Variants in FUT9 observed in about 807,000 individuals in gnomAD.
The protein encoded by FUT9 is fucosyltransferase 9.
In FUT9, 15 loss-of-function variants were observed where a neutral mutation model predicts 29.7. That is an observed-to-expected ratio of 0.51 (90% CI 0.34 to 0.78). The LOEUF is 0.78. Among genes scored for constraint, FUT9 ranks in the 30% least tolerant of loss-of-function variants. FUT9 has a pLI of 0.01. For missense variants in FUT9, 319 were observed against 425.4 expected (o/e 0.75, Z 2.20); for synonymous variants, 169 against 153.7 (o/e 1.10, Z -0.74).
intron 1 of FUT9, among the ~76,000 whole-genome samples, chr6:96,054,834 A>C (rs1770733722): frequency 6.6e-6 from 1 of 152,208 alleles, no homozygotes; most frequent in South Asian, 2.1e-4. Context: ...TGAGCATTAA[A>C]TGTAATAATA....
intron 2 of FUT9, among the ~76,000 whole-genome samples, chr6:96,171,562 T>TA (rs1475994463): frequency 6.6e-6 from 1 of 152,176 alleles, no homozygotes; most frequent in Non-Finnish European, 1.5e-5. Context: ...CTCCTCCACT[T>TA]ATGGCTCACA....
intron 1 of FUT9, among the ~76,000 whole-genome samples, chr6:96,017,808 A>G (rs1582408267): frequency 1.3e-5 from 2 of 152,156 alleles, no homozygotes; most frequent in Admixed American, 1.3e-4. Context: ...TTGCTCTTGC[A>G]GTTGGTGGAG....
chr6:96,177,113 C>T (rs557896488), intron 2 of FUT9, among the ~76,000 whole-genome samples: 168 of 152,238 alleles, frequency 1.1e-3, no homozygotes, highest in East Asian at 4.1e-3. Context: ...TGTGATACTC[C>T]TCACTTAGAT....
intron 1 of FUT9, among the ~76,000 whole-genome samples, chr6:96,066,582 C>A (rs551885408): frequency 6.6e-6 from 1 of 152,156 alleles, no homozygotes; most frequent in South Asian, 2.1e-4. Flanking sequence ...TTAACATGTT[C>A]TTCCACATTC....
At chr6:96,054,673 T>C (rs139391665) in intron 1 of FUT9, among the ~76,000 whole-genome samples, 1 of 152,180 alleles carries the variant, frequency 6.6e-6, no homozygotes, top group Non-Finnish European at 1.5e-5. Flanking sequence ...GTTGGAAGTT[T>C]AGGCAGAAAT....
chr6:96,116,748 G>A (rs1771918602), intron 2 of FUT9, among the ~76,000 whole-genome samples: 1 of 152,064 alleles, frequency 6.6e-6, no homozygotes, highest in South Asian at 2.1e-4. Flanking sequence ...CCAAAACATA[G>A]AGATGGGAAG....
In FUT9 at chr6:96,206,947, T is replaced by C; in HGVS notation, c.*2712T>C. On this transcript the variant is annotated 3_prime_UTR_variant, in exon 3 of 3. Transcript: ENST00000302103. The stretch of plus-strand genomic sequence containing the variant: ...TATGACTATAATCACACACTGATAA[T>C]ATGACGCAAGTAGAGGCAGTACTAC... The C allele has an allele frequency of 6.0e-6, 1 of 166,958 alleles. No individual in the cohort carries two copies. Among genetic ancestry groups the C allele is most frequent in the African/African-American group, 2.4e-5 (1 of 41,404 alleles). The allele number at this position is 166,958 out of a possible 1,614,324, so 10.3% of individuals were successfully genotyped here. A position where few individuals can be genotyped will look rare whatever the true frequency, so the allele number is the denominator to read the frequency against.
chr6:96,061,712 A>T (rs1770877593), intron 1 of FUT9, among the ~76,000 whole-genome samples: 2 of 152,168 alleles, frequency 1.3e-5, no homozygotes, highest in South Asian at 4.1e-4. Flanking sequence ...CCTGTTCTTC[A>T]TTCAAGTGGT....
intron 2 of FUT9, among the ~76,000 whole-genome samples, chr6:96,140,497 G>A (rs1772442512): frequency 6.6e-6 from 1 of 152,154 alleles, no homozygotes; most frequent in African/African-American, 2.4e-5. Flanking sequence ...CCAATTTACT[G>A]TATTAGTCCA....
intron 1 of FUT9, among the ~76,000 whole-genome samples, chr6:96,063,206 G>C (rs999602364): frequency 6.6e-6 from 1 of 152,160 alleles, no homozygotes; most frequent in Non-Finnish European, 1.5e-5. Context: ...AATTTAGGGT[G>C]TATTAGGCCA....
chr6:96,074,564 T>C (rs962957043), intron 1 of FUT9, among the ~76,000 whole-genome samples: 2 of 152,176 alleles, frequency 1.3e-5, no homozygotes, highest in African/African-American at 4.8e-5. Context: ...TCATACTTCA[T>C]GGACATTTCC....
At chr6:96,178,753 G>T (rs139994372) in intron 2 of FUT9, among the ~76,000 whole-genome samples, 1 of 152,048 alleles carries the variant, frequency 6.6e-6, no homozygotes, top group Non-Finnish European at 1.5e-5. Flanking sequence ...AATATGAACT[G>T]TAGTATCTAA....
intron 1 of FUT9, among the ~76,000 whole-genome samples, chr6:96,070,567 G>A (rs749025953): frequency 3.9e-5 from 6 of 152,084 alleles, no homozygotes; most frequent in Non-Finnish European, 7.4e-5. Context: ...CACACCTGTA[G>A]TCCCAGCAAC....
chr6:96,142,251 G>A (rs975739040), intron 2 of FUT9, among the ~76,000 whole-genome samples: 5 of 152,070 alleles, frequency 3.3e-5, no homozygotes, highest in Non-Finnish European at 4.4e-5. Flanking sequence ...ATTAACAAGC[G>A]ATAAGTGATA....
rs138897298 is a variant in FUT9 at position 96,046,530 on chromosome 6, C to T, written c.-98+30318C>T. The stretch of plus-strand genomic sequence containing the variant: ...TCCTTTCTAAGTTTCTACTCAAATG[C>T]CATTGCTTCAAAGAAGCTTGGACTT... On this transcript the variant is annotated intron_variant, in intron 1 of 2. Transcript: ENST00000302103. Among the ~76,000 whole-genome samples, 236 of 152,258 alleles carry T rather than the reference C, an allele frequency of 1.5e-3. 2 individuals carry two copies. The highest frequency in any genetic ancestry group is 5.4e-3 in the African/African-American group (226 of 41,540).
chr6:96,136,953 C>T (rs1477973528), intron 2 of FUT9, among the ~76,000 whole-genome samples: 1 of 151,800 alleles, frequency 6.6e-6, no homozygotes, highest in South Asian at 2.1e-4. Context: ...GACTGCATTC[C>T]CCCAAATAGA....
At chr6:96,140,901 T>A (rs1772450028) in intron 2 of FUT9, among the ~76,000 whole-genome samples, 1 of 152,216 alleles carries the variant, frequency 6.6e-6, no homozygotes, top group South Asian at 2.1e-4. Flanking sequence ...ATACCTAAAA[T>A]CTTCACAGAA....
At chr6:96,017,038 TGGTCTTACTTCCA>T (rs1769993167) in intron 1 of FUT9, among the ~76,000 whole-genome samples, 1 of 152,224 alleles carries the variant, frequency 6.6e-6, no homozygotes, top group Non-Finnish European at 1.5e-5. Flanking sequence ...CCTGCGGAAT[TGGTCTTACTTCCA>T]GGTTAAGAAC....
chr6:96,039,903 T>C (rs1017694028), intron 1 of FUT9, among the ~76,000 whole-genome samples: 7 of 152,150 alleles, frequency 4.6e-5, no homozygotes, highest in Admixed American at 1.3e-4. Context: ...TTTCTTGGCT[T>C]AAAATATGTT....
Sources: allele counts gnomAD v4.1 joint callset (sites outside exome capture counted in the v4.1 genomes callset), GRCh38; gene constraint gnomAD v4.1.1; transcripts MANE v1.5; gene names NCBI Gene and HGNC (gene_info 2026-07-23, HGNC 2026-07-21).